The following PCM1 variants were observed in gnomAD, a reference collection of about 807,000 sequenced individuals.
PCM1 encodes pericentriolar material 1 protein.
Under a neutral mutation model 241.9 loss-of-function variants are expected in PCM1, and 157 were observed. The ratio of observed to expected loss-of-function variants is 0.65; its 90% CI spans 0.57 to 0.74. The LOEUF is 0.74. Ranked by LOEUF, PCM1 falls within the 30% of genes least tolerant of loss-of-function variation. The pLI is 0.00. For synonymous variants in PCM1, 1,085 were observed against 784.9 expected (o/e 1.38, Z -6.39); for missense variants, 3,478 against 2,360.1 (o/e 1.47, Z -9.81).
Position 17,939,691 on chromosome 8 carries a change from A to G in PCM1, c.613A>G (p.Ile205Val). ...RGEPAMESSQ[I>V]VSRLVQIRDY... Reference sequence around the variant, plus strand: ...TTTAAAAAAAATATTTCCCCTGCAGATTGTAAGCAGGCTTGTTCAAATTCG... The same window carrying G: ...TTTAAAAAAAATATTTCCCCTGCAGGTTGTAAGCAGGCTTGTTCAAATTCG... Residue 205 changes from isoleucine to valine, a missense_variant and splice_region_variant, in exon 6 of 39, where the codon ATT becomes GTT. Physicochemically the swap from Ile to Val is conservative, Grantham distance 29. Coordinates refer to ENST00000325083, the MANE Select transcript of PCM1 (RefSeq NM_006197.4). 3 of 1,505,300 alleles carry G rather than the reference A, an allele frequency of 2.0e-6. No individual in the cohort carries two copies. The highest frequency in any genetic ancestry group is 4.6e-5 in the Admixed American group (2 of 43,232). 93.2% of individuals were successfully genotyped at this position (1,505,300 alleles called of 1,614,324 possible). A position where few individuals can be genotyped will look rare whatever the true frequency, so the allele number is the denominator to read the frequency against.
At chr8:18,016,884 T>A (rs559750427) in intron 36 of PCM1, among the ~76,000 whole-genome samples, 1 of 152,306 alleles carries the variant, frequency 6.6e-6, no homozygotes, top group Non-Finnish European at 1.5e-5. Context: ...GTAAGTACTT[T>A]TACTTCTGGG....
At chr8:17,938,070 G>A (rs564209579) in intron 4 of PCM1, among the ~76,000 whole-genome samples, 10 of 152,174 alleles carry the variant, frequency 6.6e-5, no homozygotes, top group South Asian at 4.2e-4. Flanking sequence ...GGTCCAAAGC[G>A]TATAAAAATA....
chr8:17,985,328 G>T (rs2082242599), intron 24 of PCM1, 119 bp from the exon 25 acceptor site: 3 of 601,006 alleles, frequency 5.0e-6, no homozygotes, highest in Admixed American at 3.7e-5. Flanking sequence ...CTCTGAAATA[G>T]AATTGTCTAA....
intron 36 of PCM1, 132 bp downstream of exon 36, chr8:18,014,972 A>T: frequency 1.3e-6 from 1 of 758,620 alleles, no homozygotes; most frequent in East Asian, 2.7e-5. Context: ...CATTTTTCTA[A>T]TTCACACTTT....
In PCM1 at chr8:17,935,539, T is replaced by C. The variant is rs1397701512; in HGVS notation, c.-22-50T>C. ...AAACTTCATGGAATGATTTGAAAAT[T>C]GAATTTGTTTTTATGTGTTATAAAG... On this transcript the variant is annotated intron_variant, in intron 2 of 38. Transcript: ENST00000325083. 7 of 667,372 alleles carry C rather than the reference T, an allele frequency of 1.0e-5. No individual in the cohort carries two copies. In the East Asian group the frequency reaches 1.9e-4, roughly 18 times the overall value. 41.3% of individuals were successfully genotyped at this position (667,372 alleles called of 1,614,324 possible).
chr8:18,011,591 A>C, intron 33 of PCM1, 76 bp from the exon 34 acceptor site: 2 of 1,328,760 alleles, frequency 1.5e-6, no homozygotes, highest in Non-Finnish European at 2.1e-6. Flanking sequence ...TGTGCCATGC[A>C]GGAATGCAGT....
chr8:17,972,511 A>G lies in PCM1; in HGVS notation c.3767A>G (p.Glu1256Gly). 2 of 1,613,966 alleles carry G rather than the reference A, an allele frequency of 1.2e-6. No homozygotes were observed. Among genetic ancestry groups the G allele is most frequent in the Non-Finnish European group, 8.5e-7 (1 of 1,179,836 alleles). The change falls in exon 23 of 39, where the codon GAA becomes GGA. Residue 1256 changes from glutamate to glycine, a missense_variant. By Grantham distance (98) the Glu-to-Gly change is moderately conservative. Transcript: ENST00000325083. Reference protein sequence around the residue: ...TNGRRRQFDEESLESFSSMPD... With the variant: ...TNGRRRQFDEGSLESFSSMPD... ...GGAAGAAGACGCCAGTTTGATGAAGAATCACTGGAAAGCTTTAGCAGTATG... is the reference window on the plus strand; with the variant it reads ...GGAAGAAGACGCCAGTTTGATGAAGGATCACTGGAAAGCTTTAGCAGTATG...
chr8:17,957,144 T>C, intron 11 of PCM1, 120 bp from the exon 12 acceptor site: 1 of 728,816 alleles, frequency 1.4e-6, no homozygotes, highest in Non-Finnish European at 2.2e-6. Flanking sequence ...AATTTGAATT[T>C]AAATGGAATA....
chr8:18,006,636 T>A (rs371101981), intron 30 of PCM1, among the ~76,000 whole-genome samples: 2 of 152,226 alleles, frequency 1.3e-5, no homozygotes, highest in Non-Finnish European at 2.9e-5. Flanking sequence ...ATGTCTCTTA[T>A]AAGCTTTTAC....
chr8:17,995,412 T>C, intron 29 of PCM1, among the ~76,000 whole-genome samples: 1 of 151,388 alleles, frequency 6.6e-6, no homozygotes, highest in Middle Eastern at 3.2e-3. Context: ...TGTTCTGTTC[T>C]GTCGGTCTGT....
chr8:18,013,396 A>C (rs748438877), intron 34 of PCM1, among the ~76,000 whole-genome samples: 5 of 152,162 alleles, frequency 3.3e-5, no homozygotes, highest in Non-Finnish European at 7.4e-5. Context: ...CAGTGGCCCC[A>C]GGTTTGGGGC....
At chr8:17,942,965 C>G (rs569466687) in intron 6 of PCM1, among the ~76,000 whole-genome samples, 3 of 149,378 alleles carry the variant, frequency 2.0e-5, no homozygotes, top group Admixed American at 6.7e-5. Context: ...CCACTGTACT[C>G]CAGCTTGGGT....
chr8:17,973,538 G>A (rs1391398472), intron 23 of PCM1, among the ~76,000 whole-genome samples: 2 of 151,958 alleles, frequency 1.3e-5, no homozygotes, highest in East Asian at 3.9e-4. Flanking sequence ...GACCAACATG[G>A]TGAAACCCCA....
intron 6 of PCM1, among the ~76,000 whole-genome samples, chr8:17,942,941 G>A (rs11203928): frequency 2.0e-5 from 3 of 150,528 alleles, no homozygotes; most frequent in East Asian, 3.9e-4. Context: ...AGGTTGCAGC[G>A]AGCCGAGATC....
At chr8:18,020,907 T>G (rs1166100065) in intron 36 of PCM1, among the ~76,000 whole-genome samples, 2 of 152,192 alleles carry the variant, frequency 1.3e-5, no homozygotes, top group East Asian at 1.9e-4. Flanking sequence ...CAGATGAGCT[T>G]CTTTCAGCTA....
intron 24 of PCM1, among the ~76,000 whole-genome samples, chr8:17,982,046 A>C (rs2081029383): frequency 6.6e-6 from 1 of 152,222 alleles, no homozygotes; most frequent in African/African-American, 2.4e-5. Flanking sequence ...TAAACTCATA[A>C]TGAGCATTTA....
chr8:17,965,151 T>A (rs1426002616), intron 18 of PCM1, among the ~76,000 whole-genome samples: 1 of 152,196 alleles, frequency 6.6e-6, no homozygotes, highest in Non-Finnish European at 1.5e-5. Flanking sequence ...AGAGGTGTGT[T>A]AGGACAGTGT....
chr8:18,027,462 G>A (rs372876), intron 38 of PCM1, among the ~76,000 whole-genome samples, 175 bp from the exon 39 acceptor site: 118,280 of 152,186 alleles, frequency 0.78, 46,556 homozygotes, highest in African/African-American at 0.85. Flanking sequence ...AATCAGAAAC[G>A]CCTCACCTAT....
intron 4 of PCM1, 45 bp from the exon 5 acceptor site, chr8:17,938,695 C>G (rs762097081): frequency 1.3e-6 from 2 of 1,495,990 alleles, no homozygotes; most frequent in East Asian, 2.3e-5. Context: ...AAAATTTTGT[C>G]ATAAGGTTAA....
Sources: gnomAD v4.1 joint callset for allele counts (sites outside exome capture counted in the v4.1 genomes callset) on GRCh38, gnomAD v4.1.1 for gene constraint, MANE v1.5 for transcripts, NCBI Gene and HGNC (gene_info 2026-07-23, HGNC 2026-07-21) for gene names.